The following AP3B1 variants were observed in gnomAD, a reference collection of about 807,000 sequenced individuals.
AP3B1 encodes AP-3 complex subunit beta-1.
In AP3B1, 61 loss-of-function variants were observed where a neutral mutation model predicts 132.5. That is an observed-to-expected ratio of 0.46 (90% CI 0.37 to 0.57). The LOEUF (loss-of-function observed/expected upper bound fraction) is 0.57. AP3B1 is among the 20% of genes least tolerant of loss of function. The pLI is 0.00. For missense variants in AP3B1, 1,120 were observed against 1,289.4 expected (o/e 0.87, Z 2.01); for synonymous variants, 388 against 438.3 (o/e 0.89, Z 1.43).
intron 20 of AP3B1, among the ~76,000 whole-genome samples, chr5:78,105,703 C>A (rs1751304636): frequency 6.6e-6 from 1 of 152,122 alleles, no homozygotes; most frequent in Non-Finnish European, 1.5e-5. Flanking sequence ...TTAAATATAT[C>A]TCAGAAAATA....
At chr5:78,282,366 G>A (rs975606240) in intron 1 of AP3B1, among the ~76,000 whole-genome samples, 24 of 147,176 alleles carry the variant, frequency 1.6e-4, no homozygotes, top group African/African-American at 5.7e-4. Flanking sequence ...TACAAAAGAA[G>A]ACTGAAAATT....
chr5:78,084,836 CAA>C (rs1321909355), intron 22 of AP3B1, among the ~76,000 whole-genome samples: 1 of 151,938 alleles, frequency 6.6e-6, no homozygotes, highest in Non-Finnish European at 1.5e-5. Flanking sequence ...GAAAACAGTA[CAA>C]TTGTACAATT....
At chr5:78,292,495 T>C (rs892813331) in intron 1 of AP3B1, among the ~76,000 whole-genome samples, 1 of 152,220 alleles carries the variant, frequency 6.6e-6, no homozygotes, top group Non-Finnish European at 1.5e-5. Flanking sequence ...TGGGCTCTAA[T>C]ATTAGAGCCC....
intron 2 of AP3B1, among the ~76,000 whole-genome samples, chr5:78,244,299 G>C (rs1242024674): frequency 2.0e-5 from 3 of 152,106 alleles, no homozygotes; most frequent in Non-Finnish European, 4.4e-5. Flanking sequence ...TGTAATCCCA[G>C]TTACTTGGGA....
chr5:78,174,648 G>A (rs1279380891), intron 11 of AP3B1, among the ~76,000 whole-genome samples: 1 of 152,222 alleles, frequency 6.6e-6, no homozygotes, highest in Non-Finnish European at 1.5e-5. Context: ...GCCCCTAGTG[G>A]GAGGTGTCTC....
intron 2 of AP3B1, among the ~76,000 whole-genome samples, chr5:78,265,586 C>G (rs900452893): frequency 2.0e-5 from 3 of 152,188 alleles, no homozygotes; most frequent in Non-Finnish European, 1.5e-5. Context: ...CTTTCTAAGT[C>G]TGGATCAGCT....
At position 78,141,217 on chromosome 5, in the gene AP3B1, T is replaced by A. The variant is rs772520218; in HGVS notation, c.1576A>T (p.Thr526Ser). The change falls in exon 15 of 27, where the codon ACT becomes TCT. Residue 526 changes from threonine (T) to serine (S), a missense_variant. By Grantham distance (58) the Thr-to-Ser change is moderately conservative. This residue lies in a region of AP3B1 where 906 missense variants were observed against 997.1 expected (regional missense o/e 0.91). Coordinates refer to ENST00000255194, the MANE Select transcript of AP3B1 (RefSeq NM_003664.5). ...AGTTTTACCAGATCATCTTCACTAG[T>A]GAAGCTTTTAGCCATCTTCCTCAAA... ...DVLRKMAKSF[T>S]SEDDLVKLQI... 1 of 1,613,906 alleles carries A rather than the reference T, an allele frequency of 6.2e-7. No homozygotes were observed. The highest frequency in any genetic ancestry group is 8.5e-7 in the Non-Finnish European group (1 of 1,179,814).
intron 11 of AP3B1, among the ~76,000 whole-genome samples, chr5:78,174,652 G>A (rs1744069706): frequency 6.6e-6 from 1 of 152,228 alleles, no homozygotes; most frequent in Non-Finnish European, 1.5e-5. Context: ...CTAGTGGGAG[G>A]TGTCTCCCAG....
At chr5:78,087,946 C>T (rs1018941087) in intron 22 of AP3B1, among the ~76,000 whole-genome samples, 5 of 152,132 alleles carry the variant, frequency 3.3e-5, no homozygotes, top group South Asian at 4.1e-4. Context: ...CAATCCTATG[C>T]GGTAGATAGT....
chr5:78,089,584 T>A (rs1750424189), intron 21 of AP3B1, 85 bp from the exon 22 acceptor site: 2 of 860,556 alleles, frequency 2.3e-6, no homozygotes, highest in African/African-American at 3.4e-5. Context: ...TGTTAGTAAA[T>A]CTAATTAAAT....
intron 6 of AP3B1, among the ~76,000 whole-genome samples, chr5:78,219,804 C>G (rs1044896223): frequency 1.3e-5 from 2 of 152,024 alleles, no homozygotes; most frequent in Non-Finnish European, 2.9e-5. Flanking sequence ...AAAGAAGCAA[C>G]AGATGGTATG....
chr5:78,080,252 G>A (rs531748625), intron 22 of AP3B1, among the ~76,000 whole-genome samples: 12 of 152,066 alleles, frequency 7.9e-5, no homozygotes, highest in South Asian at 4.2e-4. Context: ...CAAGCAATCC[G>A]CCTGCCTCAG....
chr5:78,245,899 A>T (rs1747359657), intron 2 of AP3B1, among the ~76,000 whole-genome samples: 1 of 152,242 alleles, frequency 6.6e-6, no homozygotes, highest in African/African-American at 2.4e-5. Context: ...AGTACCAGCG[A>T]TTCTGCCCTT....
At chr5:78,034,289 T>C in intron 24 of AP3B1, 72 bp downstream of exon 24, 1 of 1,141,260 alleles carries the variant, frequency 8.8e-7, no homozygotes, top group Non-Finnish European at 1.3e-6. Flanking sequence ...ACACAAAAGC[T>C]GTTGAAAGCT....
At chr5:78,148,727 T>C (rs949261862) in intron 14 of AP3B1, among the ~76,000 whole-genome samples, 1 of 152,190 alleles carries the variant, frequency 6.6e-6, no homozygotes, top group African/African-American at 2.4e-5. Context: ...GTTTTTGCCA[T>C]TGTGGTAAAA....
chr5:78,277,191 G>C (rs13178954), intron 1 of AP3B1, among the ~76,000 whole-genome samples: 34,311 of 152,094 alleles, frequency 0.23, 4,536 homozygotes, highest in Middle Eastern at 0.3. Context: ...ACTAAAAGCT[G>C]ATGTCTATTT....
At chr5:78,205,454 C>G (rs556375441) in intron 7 of AP3B1, among the ~76,000 whole-genome samples, 2 of 151,666 alleles carry the variant, frequency 1.3e-5, no homozygotes, top group South Asian at 2.1e-4. Flanking sequence ...CACACACACA[C>G]GCACACAAAT....
chr5:78,064,018 G>T (rs750317885), intron 22 of AP3B1, among the ~76,000 whole-genome samples: 2 of 151,456 alleles, frequency 1.3e-5, no homozygotes, highest in Non-Finnish European at 2.9e-5. Flanking sequence ...GTACTTGCAG[G>T]GGGGGTCGGG....
At chr5:78,269,983 C>G (rs10037175) in intron 1 of AP3B1, among the ~76,000 whole-genome samples, 36,123 of 151,874 alleles carry the variant, frequency 0.24, 5,125 homozygotes, top group Non-Finnish European at 0.32. Context: ...GTGTGATCTC[C>G]GCTCACGCAA....
Sources: gnomAD v4.1 joint callset for allele counts (sites outside exome capture counted in the v4.1 genomes callset) on GRCh38, gnomAD v4.1.1 for gene constraint, gnomAD v4.1.1 regional missense constraint, MANE v1.5 for transcripts, NCBI Gene and HGNC (gene_info 2026-07-23, HGNC 2026-07-21) for gene names.